The following SPA17 variants were observed in gnomAD, a reference collection of about 807,000 sequenced individuals.
The protein encoded by SPA17 is sperm surface protein Sp17.
A neutral mutation model predicts 13.8 loss-of-function variants in SPA17; 7 were observed. The ratio of observed to expected loss-of-function variants is 0.51; its 90% CI spans 0.29 to 0.95. SPA17 has a LOEUF of 0.95. Ranked by LOEUF, SPA17 falls within the 40% of genes least tolerant of loss-of-function variation. SPA17 has a pLI of 0.08. For synonymous variants in SPA17, 61 were observed against 59.0 expected, an observed-to-expected ratio of 1.03 and a Z score of -0.16; for missense variants, 170 against 179.3, an observed-to-expected ratio of 0.95 and a Z score of 0.30.
chr11:124,689,188 A>C (rs1308555741), intron 3 of SPA17, among the ~76,000 whole-genome samples: 10 of 152,210 alleles, frequency 6.6e-5, no homozygotes, highest in Non-Finnish European at 4.4e-5. Flanking sequence ...ACTTAAACAT[A>C]AGACCTAAAA....
At chr11:124,687,890 C>A (rs1409757688) in intron 3 of SPA17, among the ~76,000 whole-genome samples, 1 of 152,152 alleles carries the variant, frequency 6.6e-6, no homozygotes, top group Non-Finnish European at 1.5e-5. Context: ...CAAGAATGCC[C>A]ATTTTCACCC....
chr11:124,692,437 G>A (rs534205970), intron 4 of SPA17, among the ~76,000 whole-genome samples: 138 of 152,128 alleles, frequency 9.1e-4, no homozygotes, highest in Middle Eastern at 3.4e-3. Flanking sequence ...AAAATTAGCC[G>A]GGCATGGTGG....
At chr11:124,690,017 A>T (rs138492010) in intron 3 of SPA17, among the ~76,000 whole-genome samples, 1 of 152,194 alleles carries the variant, frequency 6.6e-6, no homozygotes, top group East Asian at 1.9e-4. Flanking sequence ...GTTGTCAGGA[A>T]TGTAAATTAG....
chr11:124,685,526 G>C (rs1379246961), intron 3 of SPA17, among the ~76,000 whole-genome samples: 1 of 152,196 alleles, frequency 6.6e-6, no homozygotes, highest in East Asian at 1.9e-4. Context: ...AGTCCCCACT[G>C]GGGCACTGCC....
At chr11:124,681,524 A>C (rs1310950956) in intron 3 of SPA17, 65 bp downstream of exon 3, 1 of 1,241,004 alleles carries the variant, frequency 8.1e-7, no homozygotes, top group Admixed American at 2.4e-5. Flanking sequence ...AGCAATTATT[A>C]GGCTATCCCC....
At chr11:124,684,409 A>G (rs1943557344) in intron 3 of SPA17, among the ~76,000 whole-genome samples, 1 of 152,052 alleles carries the variant, frequency 6.6e-6, no homozygotes, top group Non-Finnish European at 1.5e-5. Flanking sequence ...TTACAGGTGC[A>G]TGCCACCATG....
At chr11:124,692,789 G>GGAC (rs1231886581) in intron 4 of SPA17, among the ~76,000 whole-genome samples, 4 of 152,066 alleles carry the variant, frequency 2.6e-5, no homozygotes, top group African/African-American at 9.7e-5. Flanking sequence ...AGACTCTTGT[G>GGAC]GACTAGGCCT....
At chr11:124,681,600 TAATA>T (rs1943531196) in intron 3 of SPA17, 141 bp downstream of exon 3, 4 of 300,772 alleles carry the variant, frequency 1.3e-5, no homozygotes, top group Non-Finnish European at 2.4e-5. Flanking sequence ...AATTAAAATT[TAATA>T]AATCTTATTT....
chr11:124,688,449 G>T (rs897174829), intron 3 of SPA17, among the ~76,000 whole-genome samples: 1 of 152,106 alleles, frequency 6.6e-6, no homozygotes, highest in Non-Finnish European at 1.5e-5. Context: ...ACTAATAACA[G>T]TCTAACTGAG....
In SPA17 at chr11:124,675,288, C is replaced by G; in HGVS notation, c.24C>G (p.Thr8=). The G allele has an allele frequency of 1.9e-6, 3 of 1,613,928 alleles. No individual in the cohort carries two copies. The South Asian group carries it at 3.3e-5, about 18-fold the overall frequency. ...AGATGTCGATTCCATTCTCCAACAC[C>G]CACTACCGAATTCCACAAGGATTTG... MSIPFSN[T]HYRIPQGFGN... is the part of the protein sequence containing the mutation. The change falls in exon 2 of 5, where the codon ACC becomes ACG. Residue 8 remains threonine (T), a synonymous_variant. Coordinates refer to ENST00000227135, the MANE Select transcript of SPA17 (RefSeq NM_017425.4).
chr11:124,675,623 C>G (rs990770053), intron 2 of SPA17: 10 of 501,648 alleles, frequency 2.0e-5, no homozygotes, highest in Non-Finnish European at 3.5e-5. Context: ...ATTACCAGTT[C>G]ATTATTCAGA....
At position 124,694,306 on chromosome 11, in the gene SPA17, T is replaced by C. The variant is rs1482540291; in HGVS notation, c.316T>C (p.Ser106Pro). Reference sequence around the variant, plus strand: ...ACTTTTTCTCCTTTCGATGAAGGACTCTTCTGAGGAAGATAAGGAAAAAGA... The same window carrying C: ...ACTTTTTCTCCTTTCGATGAAGGACCCTTCTGAGGAAGATAAGGAAAAAGA... ...EEETSVTILDSSEEDKEKEEV... is the reference protein window; with the variant it reads ...EEETSVTILDPSEEDKEKEEV... Residue 106 changes from serine (S) to proline (P), a missense_variant, in exon 5 of 5, where the codon TCT becomes CCT. Physicochemically the swap from Ser to Pro is moderately conservative, Grantham distance 74 (BLOSUM62 -1). Coordinates refer to ENST00000227135, the MANE Select transcript of SPA17 (RefSeq NM_017425.4). 6.2e-7 allele frequency: 1 copy of C among 1,611,282 alleles called. No individual in the cohort carries two copies. The highest frequency in any genetic ancestry group is 1.7e-5 in the Admixed American group (1 of 59,354).
At position 124,691,752 on chromosome 11, in the gene SPA17, G is replaced by A. The variant is rs772590909; in HGVS notation, c.282G>A (p.Gly94=). Residue 94 remains glycine (G), a synonymous_variant, in exon 4 of 5, where the codon GGG becomes GGA. Transcript: ENST00000227135. ...AACAAGAAGAGTCTCAGATATCTGG[G>A]AAGGAGGAAGAGACATCAGTCACCA... is the stretch of plus-strand genomic sequence containing the variant. The part of the protein sequence containing the change: ...DPKQEESQIS[G]KEEETSVTIL... 6.2e-7 allele frequency: 1 copy of A among 1,612,044 alleles called. No individual in the cohort carries two copies. The highest frequency in any genetic ancestry group is 1.1e-5 in the South Asian group (1 of 90,852).
chr11:124,682,888 C>T (rs1943541927), intron 3 of SPA17, among the ~76,000 whole-genome samples: 2 of 150,762 alleles, frequency 1.3e-5, no homozygotes, highest in South Asian at 4.2e-4. Context: ...GCAGTGATTC[C>T]CCAAATACAA....
At chr11:124,684,503 C>T (rs1200930059) in intron 3 of SPA17, among the ~76,000 whole-genome samples, 3 of 152,154 alleles carry the variant, frequency 2.0e-5, no homozygotes, top group East Asian at 1.9e-4. Flanking sequence ...CTACCCACCT[C>T]GTCTTCCCAA....
chr11:124,677,218 C>T (rs142276826), intron 2 of SPA17, among the ~76,000 whole-genome samples: 2,009 of 152,204 alleles, frequency 0.013, 26 homozygotes, highest in Non-Finnish European at 0.02. Context: ...CTAGAAGATA[C>T]AAGTATCAGA....
At chr11:124,676,651 A>G (rs1943467320) in intron 2 of SPA17, among the ~76,000 whole-genome samples, 1 of 152,204 alleles carries the variant, frequency 6.6e-6, no homozygotes, top group Admixed American at 6.5e-5. Flanking sequence ...AACTTTAAAT[A>G]TTTTCCACTG....
chr11:124,691,500 C>T (rs1253731455), intron 3 of SPA17, among the ~76,000 whole-genome samples, 196 bp from the exon 4 acceptor site: 2 of 152,180 alleles, frequency 1.3e-5, no homozygotes, highest in Admixed American at 1.3e-4. Context: ...TATTTGTTTA[C>T]ACGTATTTCC....
At chr11:124,677,771 G>C (rs1565423035) in intron 2 of SPA17, among the ~76,000 whole-genome samples, 2 of 151,884 alleles carry the variant, frequency 1.3e-5, no homozygotes, top group Non-Finnish European at 2.9e-5. Context: ...TAAATAAATA[G>C]TTTGTAAAAA....
Sources: gnomAD v4.1 joint callset for allele counts (sites outside exome capture counted in the v4.1 genomes callset) on GRCh38, gnomAD v4.1.1 for gene constraint, MANE v1.5 for transcripts, NCBI Gene and HGNC (gene_info 2026-07-23, HGNC 2026-07-21) for gene names.